Variants in GRIK3 observed in about 807,000 individuals in gnomAD.
The protein encoded by GRIK3 is glutamate receptor ionotropic, kainate 3.
In GRIK3, 29 loss-of-function variants were observed where a neutral mutation model predicts 102.5. The observed-to-expected ratio is 0.28, with a 90% CI of 0.21 to 0.39. The LOEUF is 0.39. GRIK3 is among the 10% of genes least tolerant of loss of function. The pLI, the probability that GRIK3 is intolerant of heterozygous loss-of-function variation, is 1.00. For synonymous variants in GRIK3, 511 were observed against 504.9 expected, an observed-to-expected ratio of 1.01 and a Z score of -0.16; for missense variants, 908 against 1,252.4, an observed-to-expected ratio of 0.73 and a Z score of 4.15.
intron 5 of GRIK3, among the ~76,000 whole-genome samples, chr1:36,864,628 C>T (rs758301164): frequency 5.9e-5 from 9 of 152,180 alleles, no homozygotes; most frequent in Non-Finnish European, 1.2e-4. Context: ...AGCATTTGGT[C>T]TGTTGAGACT....
chr1:36,968,095 C>A lies in GRIK3; in HGVS notation c.115+65899G>T, dbSNP rs532340227. Among the ~76,000 whole-genome samples, 448 of 152,250 alleles carry A rather than the reference C, an allele frequency of 2.9e-3. 1 individual carries two copies. The highest frequency in any genetic ancestry group is 5.0e-3 in the Non-Finnish European group (343 of 68,006). ...CAGACTCCCTGCCCCAACCCTGCCC[C>A]AGCTACCCCCATCTCTTGCAGGTAG... On this transcript the variant is annotated intron_variant, in intron 1 of 15. Transcript: ENST00000373091.
At chr1:36,821,953 C>G (rs1254956764) in intron 11 of GRIK3, among the ~76,000 whole-genome samples, 1 of 152,214 alleles carries the variant, frequency 6.6e-6, no homozygotes, top group Non-Finnish European at 1.5e-5. Context: ...CCCTATCATA[C>G]CACTATACTG....
intron 12 of GRIK3, among the ~76,000 whole-genome samples, chr1:36,818,703 A>G (rs1226280911): frequency 6.6e-6 from 1 of 152,242 alleles, no homozygotes; most frequent in Non-Finnish European, 1.5e-5. Flanking sequence ...ACATTGGGAT[A>G]ATGCCATTTG....
rs148389043 is a variant in GRIK3 at position 36,850,455 on chromosome 1, C to T, written c.1213-31G>A. 140 of 1,366,808 alleles carry T rather than the reference C, an allele frequency of 1.0e-4. No homozygotes were observed. The East Asian group carries it at 2.5e-3, about 24-fold the overall frequency. 84.7% of individuals were successfully genotyped at this position (1,366,808 alleles called of 1,614,324 possible). A position where few individuals can be genotyped will look rare whatever the true frequency, so the allele number is the denominator to read the frequency against. ...TGGACACAGACAGAAAACAGGGTGC[C>T]GAGTCCTTGGTCTACCCATCTTCCT... is the stretch of plus-strand genomic sequence containing the variant. On this transcript the variant is annotated intron_variant, in intron 8 of 15. Transcript: ENST00000373091. This position sits in a 1 kb window ranked among gnomAD's most constrained non-coding sequence, Gnocchi z 4.0.
chr1:36,847,786 C>T (rs1464529028), intron 9 of GRIK3, among the ~76,000 whole-genome samples: 1 of 152,204 alleles, frequency 6.6e-6, no homozygotes, highest in Non-Finnish European at 1.5e-5. Context: ...GACTCCACCC[C>T]AAAGGTCTGT....
intron 3 of GRIK3, among the ~76,000 whole-genome samples, chr1:36,879,628 AG>A (rs1286736500): frequency 6.6e-6 from 1 of 152,178 alleles, no homozygotes; most frequent in African/African-American, 2.4e-5. Context: ...CTTGAGAGGC[AG>A]GGGGTATCAC....
chr1:36,982,573 C>T (rs930955343), intron 1 of GRIK3, among the ~76,000 whole-genome samples: 2 of 152,172 alleles, frequency 1.3e-5, no homozygotes, highest in African/African-American at 2.4e-5. Flanking sequence ...AGAAGAAGCA[C>T]CTTAGGTGAC....
intron 1 of GRIK3, among the ~76,000 whole-genome samples, chr1:36,986,655 A>G (rs746561394): frequency 6.6e-6 from 1 of 152,232 alleles, no homozygotes; most frequent in Non-Finnish European, 1.5e-5. Flanking sequence ...AGGCAGTGTG[A>G]TAAGTGCAGT....
intron 5 of GRIK3, 152 bp downstream of exon 5, chr1:36,869,596 A>G: frequency 3.0e-6 from 2 of 656,708 alleles, no homozygotes; most frequent in Non-Finnish European, 2.8e-6. Context: ...GCAGGTCACA[A>G]AGACATATTT....
chr1:36,844,647 A>C (rs1640499251), intron 9 of GRIK3, among the ~76,000 whole-genome samples: 1 of 152,252 alleles, frequency 6.6e-6, no homozygotes, highest in Non-Finnish European at 1.5e-5. Flanking sequence ...AATGGGGAAA[A>C]TAATAGAACC....
chr1:36,964,027 C>T (rs1642054571), intron 1 of GRIK3, among the ~76,000 whole-genome samples: 1 of 152,228 alleles, frequency 6.6e-6, no homozygotes, highest in African/African-American at 2.4e-5. Context: ...TGGGGATTCT[C>T]TGTACCACCG....
intron 1 of GRIK3, among the ~76,000 whole-genome samples, chr1:36,974,280 A>G (rs1557447999): frequency 6.6e-6 from 1 of 152,254 alleles, no homozygotes; most frequent in East Asian, 1.9e-4. Context: ...TTTGGCCATT[A>G]CTTTCAATGA....
chr1:36,888,473 G>A (rs934824418), intron 2 of GRIK3, among the ~76,000 whole-genome samples: 3 of 152,080 alleles, frequency 2.0e-5, no homozygotes, highest in African/African-American at 7.2e-5. Flanking sequence ...GATCTAGCTT[G>A]AGTAGGTGTC....
chr1:36,801,447 G>A lies in GRIK3; in HGVS notation c.*404C>T, dbSNP rs191712036. The A allele has an allele frequency of 1.2e-3, 198 of 162,382 alleles. No homozygotes were observed. The highest frequency in any genetic ancestry group is 3.2e-3 in the Middle Eastern group (1 of 316). 10.1% of individuals were successfully genotyped at this position (162,382 alleles called of 1,614,324 possible). A position where few individuals can be genotyped will look rare whatever the true frequency, so the allele number is the denominator to read the frequency against. ...CGAAGGCTTGTGTCTCTGGCCTCAC[G>A]GTCAAGCTGTAGGAGGCCTGGGCTC... On this transcript the variant is annotated 3_prime_UTR_variant, in exon 16 of 16. Transcript: ENST00000373091.
chr1:37,021,901 AAAG>A (rs1229358137), intron 1 of GRIK3, among the ~76,000 whole-genome samples: 10 of 152,200 alleles, frequency 6.6e-5, no homozygotes, highest in Non-Finnish European at 1.5e-4. Context: ...GATACAAAGG[AAAG>A]TCACTACTCA....
intron 1 of GRIK3, among the ~76,000 whole-genome samples, chr1:36,911,187 T>C (rs1570794296): frequency 6.6e-6 from 1 of 151,644 alleles, no homozygotes; most frequent in East Asian, 1.9e-4. Context: ...TGGTCAATAA[T>C]AAACTGAGGG....
intron 1 of GRIK3, among the ~76,000 whole-genome samples, chr1:36,984,946 C>G (rs1415933653): frequency 7.2e-5 from 11 of 152,302 alleles, no homozygotes; most frequent in African/African-American, 2.6e-4. Flanking sequence ...GGAGAAAGGT[C>G]CCAGCTCAGG....
At chr1:36,931,249 T>C (rs1641585189) in intron 1 of GRIK3, among the ~76,000 whole-genome samples, 1 of 152,188 alleles carries the variant, frequency 6.6e-6, no homozygotes, top group Non-Finnish European at 1.5e-5. Context: ...GGAACATGAC[T>C]GAATAGAAGT....
At chr1:36,828,485 C>T (rs1642780188) in intron 10 of GRIK3, among the ~76,000 whole-genome samples, 1 of 152,202 alleles carries the variant, frequency 6.6e-6, no homozygotes, top group Admixed American at 6.5e-5. Context: ...AGTAGAGTAG[C>T]ATGCTGCACA....
Sources: allele counts gnomAD v4.1 joint callset (sites outside exome capture counted in the v4.1 genomes callset), GRCh38; gene constraint gnomAD v4.1.1; non-coding constraint Gnocchi (gnomAD v3.1); transcripts MANE v1.5; gene names NCBI Gene and HGNC (gene_info 2026-07-23, HGNC 2026-07-21).